Variants in FGF12 observed in about 807,000 individuals in gnomAD.
FGF12 encodes the protein fibroblast growth factor 12B.
FGF12 carries 14 observed loss-of-function variants against 23.6 expected under a neutral mutation model. That is an observed-to-expected ratio of 0.59 (90% CI 0.39 to 0.93). The LOEUF is 0.93. FGF12 is among the 40% of genes least tolerant of loss of function. The pLI, the probability that FGF12 is intolerant of heterozygous loss-of-function variation, is 0.00. For missense variants in FGF12, 175 were observed against 217.8 expected, an observed-to-expected ratio of 0.80 and a Z score of 1.24; for synonymous variants, 62 against 77.3, an observed-to-expected ratio of 0.80 and a Z score of 1.04.
chr3:192,563,300 A>G (rs1020132680), intron 2 of FGF12, among the ~76,000 whole-genome samples: 4 of 152,210 alleles, frequency 2.6e-5, no homozygotes, highest in Non-Finnish European at 5.9e-5. Context: ...CCAATCTTTA[A>G]TATCTCTCAT....
At chr3:192,666,944 T>TAGATAG (rs1716898311) in intron 2 of FGF12, among the ~76,000 whole-genome samples, 1 of 151,862 alleles carries the variant, frequency 6.6e-6, no homozygotes, top group South Asian at 2.1e-4. Context: ...GATAGATAGA[T>TAGATAG]AGATAGATAG....
chr3:192,517,309 T>C (rs1480334481), intron 2 of FGF12, among the ~76,000 whole-genome samples: 1 of 152,252 alleles, frequency 6.6e-6, no homozygotes, highest in Non-Finnish European at 1.5e-5. Flanking sequence ...TAAGGTGTTA[T>C]TACCAACTTC....
chr3:192,169,719 T>A (rs1022436851), intron 5 of FGF12, among the ~76,000 whole-genome samples: 4 of 151,848 alleles, frequency 2.6e-5, no homozygotes, highest in African/African-American at 9.7e-5. Context: ...TTACTCAGCC[T>A]GTAGTAGAAA....
At chr3:192,228,186 T>C (rs1477568148) in intron 4 of FGF12, among the ~76,000 whole-genome samples, 2 of 152,098 alleles carry the variant, frequency 1.3e-5, no homozygotes. Flanking sequence ...GTAGTTAATA[T>C]ACAAATCAGC....
intron 2 of FGF12, among the ~76,000 whole-genome samples, chr3:192,608,019 T>G (rs184402866): frequency 6.6e-6 from 1 of 152,058 alleles, no homozygotes; most frequent in Non-Finnish European, 1.5e-5. Flanking sequence ...ATTGAGGCCA[T>G]TGTTAAGTGA....
At chr3:192,541,135 T>G (rs969977027) in intron 2 of FGF12, among the ~76,000 whole-genome samples, 3 of 152,180 alleles carry the variant, frequency 2.0e-5, no homozygotes, top group Non-Finnish European at 4.4e-5. Context: ...AAGTTGTTAT[T>G]GATAAGCAAG....
chr3:192,177,495 A>G (rs1376778283), intron 4 of FGF12, among the ~76,000 whole-genome samples: 3 of 152,172 alleles, frequency 2.0e-5, no homozygotes, highest in African/African-American at 7.2e-5. Flanking sequence ...TTTCCAACTC[A>G]AGTAGGAATA....
chr3:192,627,361 GT>G (rs1039987673), intron 2 of FGF12, among the ~76,000 whole-genome samples: 2 of 151,774 alleles, frequency 1.3e-5, no homozygotes, highest in Admixed American at 6.6e-5. Flanking sequence ...GTTATTTTTA[GT>G]TTTATTGCTA....
intron 2 of FGF12, among the ~76,000 whole-genome samples, chr3:192,718,837 A>G (rs1718944436): frequency 6.6e-6 from 1 of 152,188 alleles, no homozygotes; most frequent in Non-Finnish European, 1.5e-5. Flanking sequence ...ACCCACACTG[A>G]GTCCTTAAAA....
chr3:192,208,803 A>G (rs914403670), intron 4 of FGF12, among the ~76,000 whole-genome samples: 2 of 152,202 alleles, frequency 1.3e-5, no homozygotes, highest in Non-Finnish European at 2.9e-5. Flanking sequence ...ACAAATTTCA[A>G]TTTGAGCCAA....
chr3:192,193,177 T>C (rs1285930820), intron 4 of FGF12, among the ~76,000 whole-genome samples: 1 of 152,164 alleles, frequency 6.6e-6, no homozygotes, highest in African/African-American at 2.4e-5. Flanking sequence ...ACTCTGCCCA[T>C]GATATGGTTT....
intron 2 of FGF12, among the ~76,000 whole-genome samples, chr3:192,711,939 TCAA>T (rs1169271571): frequency 2.2e-4 from 8 of 36,716 alleles, no homozygotes; most frequent in African/African-American, 8.3e-4. Flanking sequence ...CCAAGAACGA[TCAA>T]AAAAAAAAAA....
chr3:192,490,779 A>T (rs1723779257), intron 2 of FGF12, among the ~76,000 whole-genome samples: 1 of 152,156 alleles, frequency 6.6e-6, no homozygotes, highest in South Asian at 2.1e-4. Context: ...CAAAGCACCT[A>T]GGATTAAAAG....
intron 2 of FGF12, among the ~76,000 whole-genome samples, chr3:192,601,731 A>C (rs993394084): frequency 5.3e-5 from 8 of 152,158 alleles, no homozygotes; most frequent in African/African-American, 1.7e-4. Flanking sequence ...ACCAAAATCC[A>C]CATACAATGG....
At chr3:192,223,594 T>C (rs951183888) in intron 4 of FGF12, among the ~76,000 whole-genome samples, 4 of 152,148 alleles carry the variant, frequency 2.6e-5, no homozygotes, top group Admixed American at 1.3e-4. Context: ...TTTATGCCTA[T>C]GGTTCTGGCA....
chr3:192,531,112 C>T lies in FGF12; in HGVS notation c.14-170574G>A, dbSNP rs547965836. The stretch of plus-strand genomic sequence containing the variant: ...CAGGCATGAGACACCACACCCAGCC[C>T]TGCAGTTTAATGTTTTAAAACTATA... On this transcript the variant is annotated intron_variant, in intron 2 of 5. Transcript: ENST00000445105. Among the ~76,000 whole-genome samples the T allele has an allele frequency of 9.8e-5, 15 of 152,300 alleles. No homozygotes were observed. The South Asian group carries it at 1.7e-3, about 17-fold the overall frequency.
intron 2 of FGF12, among the ~76,000 whole-genome samples, chr3:192,524,941 T>C (rs187228760): frequency 1.7e-3 from 264 of 152,264 alleles, no homozygotes; most frequent in Admixed American, 0.015. Context: ...TGGACACATT[T>C]TGTCCTAATG....
intron 2 of FGF12, among the ~76,000 whole-genome samples, chr3:192,598,694 T>C (rs1216619675): frequency 6.6e-6 from 1 of 152,206 alleles, no homozygotes; most frequent in African/African-American, 2.4e-5. Context: ...CTAGAGCACA[T>C]GGCACAGCAA....
chr3:192,248,716 G>C lies in FGF12; in HGVS notation c.229-78060C>G, dbSNP rs545048858. ...TGACTTCTGCCCCGGGGGGATCCAG[G>C]CAGCAGTGAGCGGTGATTACACTAC... On this transcript the variant is annotated intron_variant, in intron 4 of 5. Coordinates refer to ENST00000445105, the MANE Select transcript of FGF12 (RefSeq NM_004113.6). Among the ~76,000 whole-genome samples, 182 of 152,268 alleles carry C rather than the reference G, an allele frequency of 1.2e-3. 1 individual carries two copies. The highest frequency in any genetic ancestry group is 0.01 in the Middle Eastern group (3 of 294).
Sources: gnomAD v4.1 joint callset for allele counts (sites outside exome capture counted in the v4.1 genomes callset) on GRCh38, gnomAD v4.1.1 for gene constraint, MANE v1.5 for transcripts, NCBI Gene and HGNC (gene_info 2026-07-23, HGNC 2026-07-21) for gene names.